The following TRIP12 variants were observed in gnomAD, a reference collection of about 807,000 sequenced individuals.
The protein encoded by TRIP12 is E3 ubiquitin-protein ligase TRIP12.
A neutral mutation model predicts 244.2 loss-of-function variants in TRIP12; 25 were observed. The ratio of observed to expected loss-of-function variants is 0.10; its 90% confidence interval spans 0.07 to 0.14. The LOEUF is 0.14. TRIP12 is among the 10% of genes least tolerant of loss of function. The pLI is 1.00. For missense variants in TRIP12, 1,677 were observed against 2,486.4 expected (o/e 0.67, Z 6.92); for synonymous variants, 905 against 873.1 (o/e 1.04, Z -0.64).
chr2:229,889,111 GA>G (rs1458788355), intron 1 of TRIP12, among the ~76,000 whole-genome samples: 2 of 152,182 alleles, frequency 1.3e-5, no homozygotes, highest in East Asian at 1.9e-4. Context: ...CCCGCAGGGG[GA>G]AAAAAATTAA....
upstream of TRIP12, among the ~76,000 whole-genome samples, chr2:229,922,777 C>T (rs935409722): frequency 2.0e-5 from 3 of 152,228 alleles, no homozygotes; most frequent in Admixed American, 6.5e-5. Context: ...CTCGGTCCGA[C>T]GGCCCGCGTG....
intron 1 of TRIP12, among the ~76,000 whole-genome samples, chr2:229,916,911 T>C (rs1388693984): frequency 6.6e-6 from 1 of 150,770 alleles, no homozygotes; most frequent in African/African-American, 2.4e-5. Context: ...GGTATACTTA[T>C]CTATTTATTA....
chr2:229,911,200 C>T (rs186978905), intron 1 of TRIP12, among the ~76,000 whole-genome samples: 38 of 152,314 alleles, frequency 2.5e-4, no homozygotes, highest in African/African-American at 7.5e-4. Context: ...TTGGACAATA[C>T]AGCCTTCCTT....
At chr2:229,828,051 T>C (rs1444030903) in intron 8 of TRIP12, among the ~76,000 whole-genome samples, 1 of 152,222 alleles carries the variant, frequency 6.6e-6, no homozygotes, top group African/African-American at 2.4e-5. Context: ...GTAGTGTGTG[T>C]GAACTGTTGT....
intron 9 of TRIP12, among the ~76,000 whole-genome samples, chr2:229,817,993 C>A (rs2048932030): frequency 6.6e-6 from 1 of 151,974 alleles, no homozygotes; most frequent in Non-Finnish European, 1.5e-5. Context: ...CCTTTCTGGC[C>A]CCCCGACACA....
chr2:229,872,118 A>G (rs1173147253), intron 2 of TRIP12, among the ~76,000 whole-genome samples: 3 of 139,996 alleles, frequency 2.1e-5, no homozygotes, highest in Non-Finnish European at 4.5e-5. Flanking sequence ...AAAAAAAAAA[A>G]AAAAAAAAAA....
chr2:229,914,742 C>G (rs2075049989), intron 1 of TRIP12, among the ~76,000 whole-genome samples: 1 of 152,136 alleles, frequency 6.6e-6, no homozygotes, highest in Admixed American at 6.5e-5. Context: ...TGACAGCCAA[C>G]AAGTTGATTA....
chr2:229,858,534 A>G (rs539951556), intron 4 of TRIP12, among the ~76,000 whole-genome samples: 5 of 152,294 alleles, frequency 3.3e-5, no homozygotes, highest in African/African-American at 7.2e-5. Context: ...AAAGACACAG[A>G]CACTAAAATG....
In TRIP12 at chr2:229,789,727, C is replaced by A; in HGVS notation, c.4579G>T (p.Val1527Phe). Residue 1527 changes from valine (V) to phenylalanine (F), a missense_variant, in exon 31 of 42, where the codon GTT (valine) becomes TTT (phenylalanine). Transcript: ENST00000675903. ...TCAGGTGGTGTGGGAATGAGGTAAA[C>A]TTCTAAAGGATTTGATACTGATGGG... The part of the protein sequence containing the change: ...VCPSVSNPLE[V>F]YLIPTPPENI... The A allele has an allele frequency of 6.2e-7, 1 of 1,614,020 alleles. No homozygotes were observed. The highest frequency in any genetic ancestry group is 8.5e-7 in the Non-Finnish European group (1 of 1,179,966).
At chr2:229,922,965 G>A (rs1431442100), upstream of TRIP12, among the ~76,000 whole-genome samples, 1 of 152,234 alleles carries the variant, frequency 6.6e-6, no homozygotes, top group Non-Finnish European at 1.5e-5. Context: ...AGGAGGGAAA[G>A]AACGACTCAG....
chr2:229,863,180 G>A (rs765175289), intron 2 of TRIP12, among the ~76,000 whole-genome samples: 8 of 148,602 alleles, frequency 5.4e-5, no homozygotes, highest in African/African-American at 1.7e-4. Flanking sequence ...AGTGAGCCGC[G>A]ATCGTGTCAC....
intron 2 of TRIP12, among the ~76,000 whole-genome samples, chr2:229,867,764 G>A (rs183058505): frequency 2.6e-5 from 4 of 152,278 alleles, no homozygotes; most frequent in Admixed American, 2.6e-4. Context: ...ACAATCTATG[G>A]CAGCTGACAA....
chr2:229,782,746 T>G (rs2038664352), intron 34 of TRIP12, among the ~76,000 whole-genome samples: 1 of 152,180 alleles, frequency 6.6e-6, no homozygotes, highest in Non-Finnish European at 1.5e-5. Flanking sequence ...ACAGGTAGTA[T>G]CACACACTAA....
chr2:229,797,926 T>A (rs537374732), intron 23 of TRIP12, 95 bp from the exon 24 acceptor site: 5 of 1,287,368 alleles, frequency 3.9e-6, no homozygotes, highest in Non-Finnish European at 5.4e-6. Flanking sequence ...TTAAAATTCA[T>A]CCTGGTCTAT....
At position 229,779,008 on chromosome 2, in the gene TRIP12, T is replaced by G; in HGVS notation, c.5095-18A>C. ...GTACCAACCTACAGAAGAACACAAG[T>G]AGAACGATTTCAAATTTTAAGAATT... On this transcript the variant is annotated intron_variant, in intron 34 of 41. Transcript: ENST00000675903. 2 of 1,598,630 alleles carry G rather than the reference T, an allele frequency of 1.3e-6. No homozygotes were observed. The highest frequency in any genetic ancestry group is 1.7e-6 in the Non-Finnish European group (2 of 1,167,716).
chr2:229,890,558 T>G (rs1012477628), intron 1 of TRIP12, among the ~76,000 whole-genome samples: 8 of 152,166 alleles, frequency 5.3e-5, no homozygotes, highest in African/African-American at 1.9e-4. Flanking sequence ...TGGGGAACTG[T>G]CAGAAACAAA....
intron 1 of TRIP12, among the ~76,000 whole-genome samples, chr2:229,903,293 G>A (rs1447211604): frequency 1.3e-5 from 2 of 152,010 alleles, no homozygotes; most frequent in African/African-American, 4.8e-5. Flanking sequence ...CTGTGCAAAC[G>A]AACCATGTCG....
At chr2:229,799,873 C>A (rs2154267116) in intron 21 of TRIP12, among the ~76,000 whole-genome samples, 1 of 152,192 alleles carries the variant, frequency 6.6e-6, no homozygotes, top group Admixed American at 6.5e-5. Context: ...GCAGACACAG[C>A]AAATGATTAT....
chr2:229,837,671 G>C (rs1338244212), intron 5 of TRIP12, among the ~76,000 whole-genome samples: 1 of 152,100 alleles, frequency 6.6e-6, no homozygotes, highest in Admixed American at 6.6e-5. Context: ...AGAATGCGAG[G>C]AAGGGAGGAG....
Sources: allele counts gnomAD v4.1 joint callset (sites outside exome capture counted in the v4.1 genomes callset), GRCh38; gene constraint gnomAD v4.1.1; transcripts MANE v1.5; gene names NCBI Gene and HGNC (gene_info 2026-07-23, HGNC 2026-07-21).